The following RAPGEF4 variants were observed in gnomAD, a reference collection of about 807,000 sequenced individuals.
The protein encoded by RAPGEF4 is Rap guanine nucleotide exchange factor 4.
In RAPGEF4, 66 loss-of-function variants were observed where a neutral mutation model predicts 147.9. That is an observed-to-expected ratio of 0.45 (90% CI 0.37 to 0.55). RAPGEF4 has a LOEUF of 0.55. Ranked by LOEUF, RAPGEF4 falls within the 20% of genes least tolerant of loss-of-function variation. The pLI is 0.00. For synonymous variants in RAPGEF4, 419 were observed against 442.7 expected (o/e 0.95, Z 0.67); for missense variants, 1,071 against 1,257.3 (o/e 0.85, Z 2.24).
At chr2:172,804,069 G>T (rs1687233852) in intron 3 of RAPGEF4, among the ~76,000 whole-genome samples, 1 of 152,026 alleles carries the variant, frequency 6.6e-6, no homozygotes, top group Non-Finnish European at 1.5e-5. Context: ...ATGAGATTTG[G>T]GTGGGGACAC....
At chr2:172,965,200 G>A in intron 8 of RAPGEF4, 1 of 245,156 alleles carries the variant, frequency 4.1e-6, no homozygotes, top group South Asian at 8.4e-5. Flanking sequence ...ATTTTGCTTT[G>A]CCTCCATCTT....
rs1193203253 is a variant in RAPGEF4 at position 172,961,200 on chromosome 2, G to A, written c.670G>A (p.Asp224Asn). The A allele has an allele frequency of 6.2e-7, 1 of 1,610,186 alleles. No individual in the cohort carries two copies. Among genetic ancestry groups the A allele is most frequent in the Non-Finnish European group, 8.5e-7 (1 of 1,176,444 alleles). The change falls in exon 8 of 31, where the codon GAT becomes AAT. Residue 224 changes from aspartate (D) to asparagine (N), a missense_variant. Transcript: ENST00000397081. Reference sequence around the variant, plus strand: ...CTCTCGAGCACCTCACATGATAAGAGATAGAAAATACCACCTAAAGACATA... The same window carrying A: ...CTCTCGAGCACCTCACATGATAAGAAATAGAAAATACCACCTAAAGACATA... ...ILSRAPHMIR[D>N]RKYHLKTYRQ...
intron 4 of RAPGEF4, among the ~76,000 whole-genome samples, chr2:172,858,402 G>T (rs748720648): frequency 9.9e-5 from 15 of 152,202 alleles, no homozygotes; most frequent in Non-Finnish European, 2.1e-4. Flanking sequence ...GAAGGAGAAG[G>T]CCTGTGTATG....
At chr2:172,763,676 C>T (rs12989240) in intron 1 of RAPGEF4, among the ~76,000 whole-genome samples, 146,450 of 152,292 alleles carry the variant, frequency 0.96, 70,697 homozygotes, top group East Asian at 1. Context: ...CATTTCGACT[C>T]AGTGATATAT....
intron 1 of RAPGEF4, among the ~76,000 whole-genome samples, chr2:172,746,472 ACATATGTTAATTG>A (rs1343410806): frequency 6.6e-6 from 1 of 152,218 alleles, no homozygotes; most frequent in Non-Finnish European, 1.5e-5. Context: ...AAACCAAGGG[ACATATGTTAATTG>A]CACTGGAGTA....
rs368141563 is a variant in RAPGEF4 at position 172,917,008 on chromosome 2, C to T, written c.445-794C>T. On this transcript the variant is annotated intron_variant, in intron 4 of 30. Transcript: ENST00000397081. ...AAAGGGGAGGAGATTGTATTTATGA[C>T]CTGAGAAGAGAGGGTGGCTAATATT... 7.6e-4 allele frequency among the ~76,000 whole-genome samples: 115 copies of T among 152,228 alleles called. No individual in the cohort carries two copies. In the South Asian group the frequency reaches 0.024, roughly 31 times the overall value.
In RAPGEF4 at chr2:173,036,145, G is replaced by A. The variant is rs34253418; in HGVS notation, c.2721G>A (p.Arg907=). The change falls in exon 28 of 31, where the codon AGG becomes AGA. Residue 907 remains arginine (R), a synonymous_variant. Transcript: ENST00000397081. ...ESLMDPSRNH[R]AYRLTVAKLE... is the part of the protein sequence containing the mutation. ...CTAAGGACCCTTCAAGGAACCACAG[G>A]GCCTACAGGCTGACAGTAGCTAAGC... The A allele has an allele frequency of 0.016, 25,537 of 1,611,916 alleles. 596 individuals carry two copies. Among genetic ancestry groups the A allele is most frequent in the African/African-American group, 0.11 (8,249 of 74,860 alleles).
At chr2:172,872,709 C>G (rs148021266) in intron 4 of RAPGEF4, among the ~76,000 whole-genome samples, 4,989 of 152,210 alleles carry the variant, frequency 0.033, 112 homozygotes, top group Non-Finnish European at 0.046. Context: ...ATGCCTGCTT[C>G]CCCTTCACCT....
intron 1 of RAPGEF4, among the ~76,000 whole-genome samples, chr2:172,751,507 A>C (rs989299893): frequency 3.3e-5 from 5 of 152,190 alleles, no homozygotes; most frequent in African/African-American, 1.2e-4. Flanking sequence ...ACGGTAAACA[A>C]ATACAGACAA....
chr2:172,858,796 C>A (rs914151305), intron 4 of RAPGEF4, among the ~76,000 whole-genome samples: 3 of 151,946 alleles, frequency 2.0e-5, no homozygotes, highest in Non-Finnish European at 4.4e-5. Context: ...GAACTGATAC[C>A]CTGAATAGTC....
At chr2:172,996,022 G>A (rs545825839) in intron 15 of RAPGEF4, among the ~76,000 whole-genome samples, 7 of 152,114 alleles carry the variant, frequency 4.6e-5, no homozygotes, top group Non-Finnish European at 1.0e-4. Flanking sequence ...AGAAATAGGC[G>A]GGGGAATCCA....
At chr2:172,993,252 C>A (rs1290757367) in intron 15 of RAPGEF4, among the ~76,000 whole-genome samples, 2 of 152,082 alleles carry the variant, frequency 1.3e-5, no homozygotes, top group Non-Finnish European at 2.9e-5. Flanking sequence ...TCCATGGAGC[C>A]CTTAGTCGTT....
At chr2:172,917,937 G>T in intron 5 of RAPGEF4, 63 bp downstream of exon 5, 1 of 1,395,228 alleles carries the variant, frequency 7.2e-7, no homozygotes, top group South Asian at 1.2e-5. Flanking sequence ...GTTTTCATGT[G>T]ACAAAAAATA....
At chr2:172,917,670 G>A (rs1454751685) in intron 4 of RAPGEF4, 132 bp from the exon 5 acceptor site, 5 of 771,108 alleles carry the variant, frequency 6.5e-6, no homozygotes, top group African/African-American at 3.5e-5. Context: ...CGGAGAACAC[G>A]TTTCATGGCT....
intron 10 of RAPGEF4, among the ~76,000 whole-genome samples, chr2:172,968,132 G>A (rs1161233060): frequency 4.6e-5 from 7 of 152,178 alleles, no homozygotes; most frequent in African/African-American, 9.7e-5. Context: ...TTGCTATGGG[G>A]CATATAAAGA....
intron 29 of RAPGEF4, among the ~76,000 whole-genome samples, chr2:173,044,857 G>T (rs1215512924): frequency 3.3e-5 from 5 of 152,148 alleles, no homozygotes; most frequent in African/African-American, 9.7e-5. Context: ...ATAAACCTCA[G>T]GCTGGCTACT....
chr2:173,028,658 C>G (rs1300673172), intron 25 of RAPGEF4, among the ~76,000 whole-genome samples: 1 of 152,044 alleles, frequency 6.6e-6, no homozygotes, highest in Non-Finnish European at 1.5e-5. Context: ...TGTTATTTAA[C>G]CATTATTAAG....
At chr2:173,040,021 C>A (rs1053248427) in intron 29 of RAPGEF4, among the ~76,000 whole-genome samples, 3 of 151,976 alleles carry the variant, frequency 2.0e-5, no homozygotes, top group Non-Finnish European at 4.4e-5. Context: ...GAAACTCCAT[C>A]TCTCTAAAAA....
chr2:172,943,200 A>G (rs1456108798), intron 6 of RAPGEF4, among the ~76,000 whole-genome samples: 1 of 152,186 alleles, frequency 6.6e-6, no homozygotes, highest in Admixed American at 6.5e-5. Flanking sequence ...GGCAGAGGTG[A>G]TGTTCTGAAG....
Sources: allele counts gnomAD v4.1 joint callset (sites outside exome capture counted in the v4.1 genomes callset), GRCh38; gene constraint gnomAD v4.1.1; transcripts MANE v1.5; gene names NCBI Gene and HGNC (gene_info 2026-07-23, HGNC 2026-07-21).